PLCH2: variants seen among roughly 807,000 people sequenced by gnomAD.
PLCH2 encodes phospholipase C eta 2.
A neutral mutation model predicts 134.7 loss-of-function variants in PLCH2; 98 were observed. The ratio of observed to expected loss-of-function variants is 0.73; its 90% CI spans 0.62 to 0.86. The LOEUF is 0.86. Ranked by LOEUF, PLCH2 falls within the 40% of genes least tolerant of loss-of-function variation. The pLI, the probability that PLCH2 is intolerant of heterozygous loss-of-function variation, is 0.00. For synonymous variants in PLCH2, 974 were observed against 827.5 expected, an observed-to-expected ratio of 1.18 and a Z score of -3.04; for missense variants, 1,994 against 1,986.6, an observed-to-expected ratio of 1.00 and a Z score of -0.07.
chr1:2,434,029 G>A lies in PLCH2; in HGVS notation c.115+3400G>A, dbSNP rs549640150. Among the ~76,000 whole-genome samples, 20 of 152,298 alleles carry A rather than the reference G, an allele frequency of 1.3e-4. 1 individual carries two copies. Among genetic ancestry groups the A allele is most frequent in the Admixed American group, 6.5e-4 (10 of 15,310 alleles). ...TCGACGAGCTGCTGCCATCAACATC[G>A]CAGGAGGTTCCTTCACAGGCATCGC... is the stretch of plus-strand genomic sequence containing the variant. On this transcript the variant is annotated intron_variant, in intron 2 of 3. Transcript: ENST00000609981.
chr1:2,473,333 G>A (rs931367673), upstream of PLCH2, among the ~76,000 whole-genome samples: 4 of 152,134 alleles, frequency 2.6e-5, no homozygotes, highest in Non-Finnish European at 5.9e-5. Flanking sequence ...GCCCAGGTGC[G>A]GGGGCTGAGC....
In PLCH2 at chr1:2,504,227, C is replaced by A; in HGVS notation, c.3265C>A (p.Pro1089Thr). The A allele has an allele frequency of 1.3e-6, 2 of 1,570,018 alleles. No individual in the cohort carries two copies. The highest frequency in any genetic ancestry group is 3.8e-5 in the Admixed American group (2 of 53,072). The change falls in exon 22 of 22, where the codon CCC (proline) becomes ACC (threonine). Residue 1089 changes from proline to threonine, a missense_variant. Coordinates refer to ENST00000378486, the MANE Select transcript of PLCH2 (RefSeq NM_014638.4). ...CCAGCCCCGGACCCTGGGCCACCTG[C>A]CCGTGATTAGAAGGGTGAAGAGTGA... ...RSQPRTLGHL[P>T]VIRRVKSEGQ...
chr1:2,453,407 C>A (rs779251849), intron 2 of PLCH2, among the ~76,000 whole-genome samples: 1 of 152,166 alleles, frequency 6.6e-6, no homozygotes, highest in Non-Finnish European at 1.5e-5. Flanking sequence ...AGGCCCTTGT[C>A]CTATCTGGAG....
rs552408535 is a variant in PLCH2, at chr1:2,456,997, C to T, written c.116-21479C>T. ...CCTCTCTGTCCAGCCAGGGCCCCTA[C>T]CTGTCATCTCCATTTTCAAAGGGGC... On this transcript the variant is annotated intron_variant, in intron 2 of 3. Transcript: ENST00000609981. 1.5e-3 allele frequency among the ~76,000 whole-genome samples: 223 copies of T among 152,324 alleles called. 2 individuals carry two copies. The highest frequency in any genetic ancestry group is 5.0e-3 in the African/African-American group (207 of 41,568).
chr1:2,473,102 A>G (rs1641414452), upstream of PLCH2, among the ~76,000 whole-genome samples: 1 of 152,056 alleles, frequency 6.6e-6, no homozygotes, highest in South Asian at 2.1e-4. Context: ...AATTAAGCCA[A>G]CACCGCCCTG....
At chr1:2,422,024 A>G (rs1421862053), upstream of PLCH2, among the ~76,000 whole-genome samples, 1 of 151,730 alleles carries the variant, frequency 6.6e-6, no homozygotes, top group Non-Finnish European at 1.5e-5. Context: ...TAATCCCAGC[A>G]CTTTGGGAGG....
rs369477955 is a variant in PLCH2, at chr1:2,484,645, G to C, written c.816+27G>C. ...TGTGCTGCCCGGGGCAGGTGTTGGG[G>C]GGCCAGCCATCAGGCCTCGCCTTCT... On this transcript the variant is annotated intron_variant, in intron 5 of 21. Coordinates refer to ENST00000378486, the MANE Select transcript of PLCH2 (RefSeq NM_014638.4). 7 of 1,605,348 alleles carry C rather than the reference G, an allele frequency of 4.4e-6. No individual in the cohort carries two copies. In the South Asian group the frequency reaches 6.6e-5, roughly 15 times the overall value.
intron 2 of PLCH2, among the ~76,000 whole-genome samples, chr1:2,436,294 T>C (rs1570241571): frequency 2.1e-5 from 1 of 47,036 alleles, no homozygotes. Flanking sequence ...CCTCCTCCTT[T>C]CCTCCTTCTT....
chr1:2,496,956 G>T lies in PLCH2; in HGVS notation c.2062G>T (p.Val688Leu). Residue 688 changes from valine to leucine, a missense_variant, in exon 15 of 22, where the codon GTG becomes TTG. Physicochemically the swap from Val to Leu is conservative, Grantham distance 32. Transcript: ENST00000378486. ...CCGCATCTACCCCTCCTCCTACCGT[G>T]TGGACTCCAGCAACTACAACCCGCA... ...LSRIYPSSYR[V>L]DSSNYNPQPF... The T allele has an allele frequency of 6.2e-7, 1 of 1,613,368 alleles. No individual in the cohort carries two copies. Among genetic ancestry groups the T allele is most frequent in the Non-Finnish European group, 8.5e-7 (1 of 1,179,852 alleles).
intron 2 of PLCH2, among the ~76,000 whole-genome samples, chr1:2,455,972 ACTCACTTCCATTCT>A (rs1291582005): frequency 6.6e-6 from 1 of 151,912 alleles, no homozygotes; most frequent in Non-Finnish European, 1.5e-5. Context: ...GCTGTGTTTG[ACTCACTTCCATTCT>A]CTGGTAGGAG....
At chr1:2,446,035 G>A (rs575372169) in intron 2 of PLCH2, among the ~76,000 whole-genome samples, 6 of 151,520 alleles carry the variant, frequency 4.0e-5, no homozygotes, top group South Asian at 2.1e-4. Flanking sequence ...TGGGCACGCC[G>A]ACGGGAGGGG....
intron 8 of PLCH2, among the ~76,000 whole-genome samples, chr1:2,488,743 C>T (rs1332238844): frequency 6.6e-6 from 1 of 152,222 alleles, no homozygotes; most frequent in African/African-American, 2.4e-5. Flanking sequence ...AGGCTTATGT[C>T]TCCTTCTTTA....
chr1:2,441,386 G>T (rs1007352407), intron 2 of PLCH2, among the ~76,000 whole-genome samples: 1 of 152,238 alleles, frequency 6.6e-6, no homozygotes, highest in Non-Finnish European at 1.5e-5. Flanking sequence ...GGGGCTGAGC[G>T]TGGGGGCATG....
chr1:2,502,509 T>C (rs1322005309), intron 21 of PLCH2, 100 bp downstream of exon 21: 19 of 1,210,884 alleles, frequency 1.6e-5, no homozygotes, highest in Non-Finnish European at 2.1e-5. Flanking sequence ...GCCACATGCA[T>C]GAAGTGTGTG....
upstream of PLCH2, among the ~76,000 whole-genome samples, chr1:2,467,173 G>T (rs1017185766): frequency 6.6e-6 from 1 of 150,538 alleles, no homozygotes. Context: ...AGTAGGAGGA[G>T]CCCTGCCGGG....
chr1:2,476,639 C>G lies in PLCH2; in HGVS notation c.51C>G (p.Ala17=). ...ACAGCCGGACCAAGGGAACGGTGGC[C>G]TGGCTGGCGGAGGTACTCCTCTGGG... ...SPDSRTKGTV[A]WLAEVLLWVG... Residue 17 remains alanine, a synonymous_variant, in exon 1 of 22, where the codon GCC becomes GCG. Coordinates refer to ENST00000378486, the MANE Select transcript of PLCH2 (RefSeq NM_014638.4). 6.2e-7 allele frequency: 1 copy of G among 1,606,706 alleles called. No individual in the cohort carries two copies. The highest frequency in any genetic ancestry group is 8.5e-7 in the Non-Finnish European group (1 of 1,177,664).
chr1:2,475,699 G>A (rs1446629340), upstream of PLCH2, among the ~76,000 whole-genome samples: 1 of 152,180 alleles, frequency 6.6e-6, no homozygotes, highest in African/African-American at 2.4e-5. Context: ...CACCTCCTCC[G>A]CCACAGCTCG....
chr1:2,430,985 G>A (rs945704713), intron 2 of PLCH2, among the ~76,000 whole-genome samples: 4 of 152,222 alleles, frequency 2.6e-5, no homozygotes, highest in Non-Finnish European at 5.9e-5. Flanking sequence ...TCTTGGTCGT[G>A]TTGTCACTGT....
chr1:2,502,148 C>G lies in PLCH2; in HGVS notation c.2698C>G (p.Arg900Gly). The G allele has an allele frequency of 6.7e-7, 1 of 1,481,496 alleles. No homozygotes were observed. The highest frequency in any genetic ancestry group is 8.9e-7 in the Non-Finnish European group (1 of 1,120,868). The allele number at this position is 1,481,496 out of a possible 1,614,324, so 91.8% of individuals were successfully genotyped here. ...TCTGGGCCTAAAAGGCCTCTTCCTC[C>G]GAGGCCCAAAGCCCGGCTCGCTGGA... ...QALGLKGLFLRGPKPGSLDSH... is the reference protein window; with the variant it reads ...QALGLKGLFLGGPKPGSLDSH... The change falls in exon 21 of 22, where the codon CGA becomes GGA. Residue 900 changes from arginine to glycine, a missense_variant. Coordinates refer to ENST00000378486, the MANE Select transcript of PLCH2 (RefSeq NM_014638.4).
Sources: allele counts gnomAD v4.1 joint callset (sites outside exome capture counted in the v4.1 genomes callset), GRCh38; gene constraint gnomAD v4.1.1; transcripts MANE v1.5; gene names NCBI Gene and HGNC (gene_info 2026-07-23, HGNC 2026-07-21).